VSTM2L: variants seen among roughly 807,000 people sequenced by gnomAD.
VSTM2L encodes V-set and transmembrane domain containing 2 like.
VSTM2L carries 9 observed loss-of-function variants against 19.9 expected under a neutral mutation model. The ratio of observed to expected loss-of-function variants is 0.45; its 90% CI spans 0.27 to 0.79. The LOEUF (loss-of-function observed/expected upper bound fraction) is 0.79. Among genes scored for constraint, VSTM2L ranks in the 30% least tolerant of loss-of-function variants. The pLI is 0.15. For synonymous variants in VSTM2L, 127 were observed against 133.8 expected (o/e 0.95, Z 0.35); for missense variants, 286 against 295.5 (o/e 0.97, Z 0.24).
rs2073001024 is a variant in VSTM2L, at chr20:37,945,091, C to G, written c.*838C>G. The G allele has an allele frequency of 2.0e-6, 2 of 985,810 alleles. No homozygotes were observed. The highest frequency in any genetic ancestry group is 4.7e-5 in the South Asian group (1 of 21,286). The allele number at this position is 985,810 out of a possible 1,614,324, so 61.1% of individuals were successfully genotyped here. ...GCCAAGTCCGCCCCAGGGCCTGGGG[C>G]TGTTGGGAGCCAAGGGCCCCCTGGT... On this transcript the variant is annotated 3_prime_UTR_variant, in exon 4 of 4. Coordinates refer to ENST00000373461, the MANE Select transcript of VSTM2L (RefSeq NM_080607.3).
At chr20:37,908,398 C>A (rs559601235) in intron 1 of VSTM2L, among the ~76,000 whole-genome samples, 1 of 152,192 alleles carries the variant, frequency 6.6e-6, no homozygotes, top group South Asian at 2.1e-4. Flanking sequence ...TTGGGACCAT[C>A]GTCCCAAGCC....
At chr20:37,925,108 G>A (rs6091517) in intron 1 of VSTM2L, among the ~76,000 whole-genome samples, 37,857 of 151,998 alleles carry the variant, frequency 0.25, 5,536 homozygotes, top group African/African-American at 0.41. Flanking sequence ...TAGATGCTCA[G>A]GAAAGGAAAT....
chr20:37,933,368 C>T (rs1294128450), intron 2 of VSTM2L, among the ~76,000 whole-genome samples, 171 bp from the exon 3 acceptor site: 1 of 152,140 alleles, frequency 6.6e-6, no homozygotes, highest in African/African-American at 2.4e-5. Flanking sequence ...TGAGTGGATA[C>T]AGAAAGGGAC....
chr20:37,922,584 G>T (rs143728168), intron 1 of VSTM2L, among the ~76,000 whole-genome samples: 205 of 152,320 alleles, frequency 1.3e-3, no homozygotes, highest in Admixed American at 2.9e-3. Context: ...TCCCCAAGGG[G>T]AGTCCTGCTT....
intron 1 of VSTM2L, among the ~76,000 whole-genome samples, chr20:37,928,347 T>G (rs956399113): frequency 6.6e-6 from 1 of 152,134 alleles, no homozygotes; most frequent in African/African-American, 2.4e-5. Flanking sequence ...CAAGTGGGTG[T>G]CAGGGAAGAC....
chr20:37,944,210 A>G lies in VSTM2L; in HGVS notation c.572A>G (p.Glu191Gly). ...PAPPPPKPGK[E>G]LRKRSVDQEA... ...CCGCCGCCCCCCAAGCCAGGCAAGG[A>G]GCTGAGGAAGCGCTCGGTGGACCAG... is the stretch of plus-strand genomic sequence containing the variant. The change falls in exon 4 of 4, where the codon GAG (glutamate) becomes GGG (glycine). Residue 191 changes from glutamate (E) to glycine (G), a missense_variant. Glu to Gly is a moderately conservative substitution (Grantham distance 98). Transcript: ENST00000373461. 1 of 1,336,076 alleles carries G rather than the reference A, an allele frequency of 7.5e-7. No individual in the cohort carries two copies. Among genetic ancestry groups the G allele is most frequent in the Non-Finnish European group, 9.8e-7 (1 of 1,021,758 alleles). 82.8% of individuals were successfully genotyped at this position (1,336,076 alleles called of 1,614,324 possible).
chr20:37,904,518 C>A (rs188464605), intron 1 of VSTM2L, among the ~76,000 whole-genome samples: 1 of 152,190 alleles, frequency 6.6e-6, no homozygotes, highest in Admixed American at 6.5e-5. Context: ...GGGGGCTCCC[C>A]CTGACCCCTG....
intron 3 of VSTM2L, among the ~76,000 whole-genome samples, chr20:37,939,079 CA>C (rs1394059347): frequency 6.6e-6 from 1 of 152,174 alleles, no homozygotes; most frequent in Non-Finnish European, 1.5e-5. Context: ...TCTTCACCTG[CA>C]TCATAGGGTT....
chr20:37,935,486 C>T (rs1321662569), intron 3 of VSTM2L, among the ~76,000 whole-genome samples: 1 of 152,182 alleles, frequency 6.6e-6, no homozygotes, highest in Admixed American at 6.5e-5. Context: ...CCCTTCCCCT[C>T]CCGACCCTGG....
At chr20:37,918,477 G>A (rs1189942516) in intron 1 of VSTM2L, among the ~76,000 whole-genome samples, 1 of 152,192 alleles carries the variant, frequency 6.6e-6, no homozygotes, top group African/African-American at 2.4e-5. Flanking sequence ...AAGCTTCTTT[G>A]GCTAGAATTT....
At chr20:37,919,325 C>G (rs1416590694) in intron 1 of VSTM2L, among the ~76,000 whole-genome samples, 1 of 152,238 alleles carries the variant, frequency 6.6e-6, no homozygotes, top group Non-Finnish European at 1.5e-5. Flanking sequence ...TGAACTCACA[C>G]CTCCATTCCT....
intron 1 of VSTM2L, among the ~76,000 whole-genome samples, chr20:37,921,939 C>T (rs2122956119): frequency 6.9e-6 from 1 of 145,878 alleles, no homozygotes; most frequent in Middle Eastern, 3.8e-3. Flanking sequence ...AACTCCTGGG[C>T]CCCAGCGATC....
intron 3 of VSTM2L, among the ~76,000 whole-genome samples, chr20:37,943,160 G>A (rs1378144289): frequency 6.6e-6 from 1 of 152,064 alleles, no homozygotes; most frequent in African/African-American, 2.4e-5. Flanking sequence ...AGTAGAGATG[G>A]GGTTTCCCCA....
intron 3 of VSTM2L, among the ~76,000 whole-genome samples, chr20:37,940,847 C>T (rs1187456625): frequency 6.6e-6 from 1 of 152,172 alleles, no homozygotes; most frequent in African/African-American, 2.4e-5. Context: ...GGGGAAACTG[C>T]TACTTTTAAA....
At position 37,944,685 on chromosome 20, in the gene VSTM2L, C is replaced by A. The variant is rs2072998378; in HGVS notation, c.*432C>A. 1 of 998,240 alleles carries A rather than the reference C, an allele frequency of 1.0e-6. No individual in the cohort carries two copies. The highest frequency in any genetic ancestry group is 5.0e-4 in the Middle Eastern group (1 of 1,986). 61.8% of individuals were successfully genotyped at this position (998,240 alleles called of 1,614,324 possible). ...TTGGACCTGGGGGTGTGGACAGTGA[C>A]CCCTCCCTGAATATGGACTTGAATC... On this transcript the variant is annotated 3_prime_UTR_variant, in exon 4 of 4. Transcript: ENST00000373461.
chr20:37,903,603 G>T, intron 1 of VSTM2L, 132 bp downstream of exon 1: 1 of 1,275,616 alleles, frequency 7.8e-7, no homozygotes, highest in Non-Finnish European at 1.0e-6. Context: ...CCCTGCCGGC[G>T]CGGTGGACCC....
At chr20:37,909,863 G>A (rs1056280172) in intron 1 of VSTM2L, among the ~76,000 whole-genome samples, 4 of 152,262 alleles carry the variant, frequency 2.6e-5, no homozygotes, top group Admixed American at 2.6e-4. Flanking sequence ...GCTGGTCCTG[G>A]GGTCCAGAGC....
At chr20:37,917,333 G>GA (rs140311195) in intron 1 of VSTM2L, among the ~76,000 whole-genome samples, 15 of 149,224 alleles carry the variant, frequency 1.0e-4, no homozygotes, top group South Asian at 2.1e-4. Flanking sequence ...AAGAAAAAAA[G>GA]AAAAAAAAAA....
In VSTM2L at chr20:37,907,680, C is replaced by T. The variant is rs555047095; in HGVS notation, c.121+4209C>T. 2.0e-5 allele frequency among the ~76,000 whole-genome samples: 3 copies of T among 152,048 alleles called. No individual in the cohort carries two copies. The South Asian group carries it at 6.2e-4, about 32-fold the overall frequency. On this transcript the variant is annotated intron_variant, in intron 1 of 3. Transcript: ENST00000373461. ...ACACACACACACCCCTACACACACACACACCCACACCCACCCCTAGGCCAG... is the reference window on the plus strand; with the variant it reads ...ACACACACACACCCCTACACACACATACACCCACACCCACCCCTAGGCCAG...
Sources: allele counts gnomAD v4.1 joint callset (sites outside exome capture counted in the v4.1 genomes callset), GRCh38; gene constraint gnomAD v4.1.1; transcripts MANE v1.5; gene names NCBI Gene and HGNC (gene_info 2026-07-23, HGNC 2026-07-21).